The following ZSWIM5 variants were observed in gnomAD, a reference collection of about 807,000 sequenced individuals.
ZSWIM5 encodes the protein zinc finger SWIM domain-containing protein 5.
ZSWIM5 carries 55 observed loss-of-function variants against 119.6 expected under a neutral mutation model. The ratio of observed to expected loss-of-function variants is 0.46; its 90% CI spans 0.37 to 0.58. The LOEUF (loss-of-function observed/expected upper bound fraction) is 0.58, where lower values mean the gene tolerates loss of function less well. Among genes scored for constraint, ZSWIM5 ranks in the 20% least tolerant of loss-of-function variants. The pLI is 0.00. For synonymous variants in ZSWIM5, 537 were observed against 606.9 expected (o/e 0.88, Z 1.69); for missense variants, 1,193 against 1,512.8 (o/e 0.79, Z 3.51).
At chr1:45,165,678 A>T (rs1440946865) in intron 1 of ZSWIM5, among the ~76,000 whole-genome samples, 1 of 152,180 alleles carries the variant, frequency 6.6e-6, no homozygotes, top group African/African-American at 2.4e-5. Flanking sequence ...ATCAGAGAAC[A>T]CTATAAACAT....
rs564148772 is a variant in ZSWIM5 at position 45,101,694 on chromosome 1, C to T, written c.596-13457G>A. 7.2e-5 allele frequency among the ~76,000 whole-genome samples: 11 copies of T among 152,266 alleles called. No homozygotes were observed. In the South Asian group the frequency reaches 1.7e-3, roughly 23 times the overall value. On this transcript the variant is annotated intron_variant, in intron 1 of 13. Coordinates refer to ENST00000359600, the MANE Select transcript of ZSWIM5 (RefSeq NM_020883.2). ...AAGAAAATGTGACACATATACACCA[C>T]GGAATATTATGCAGCCATAAAAAGG...
chr1:45,091,095 G>T (rs1417173631), intron 1 of ZSWIM5, among the ~76,000 whole-genome samples: 2 of 152,034 alleles, frequency 1.3e-5, no homozygotes, highest in African/African-American at 4.8e-5. Context: ...ACTATAAAAT[G>T]TCCTACAGAT....
intron 11 of ZSWIM5, among the ~76,000 whole-genome samples, chr1:45,031,335 C>T (rs540797891): frequency 2.0e-5 from 3 of 151,342 alleles, no homozygotes; most frequent in African/African-American, 7.3e-5. Context: ...TGCCACCATG[C>T]TCACGCAATT....
intron 8 of ZSWIM5, among the ~76,000 whole-genome samples, chr1:45,037,472 T>C (rs1644992459): frequency 6.6e-6 from 1 of 152,228 alleles, no homozygotes; most frequent in South Asian, 2.1e-4. Flanking sequence ...TCTTATATTT[T>C]GCTAGCACAT....
At chr1:45,093,225 A>G (rs900957889) in intron 1 of ZSWIM5, among the ~76,000 whole-genome samples, 9 of 152,222 alleles carry the variant, frequency 5.9e-5, no homozygotes, top group Admixed American at 2.0e-4. Flanking sequence ...ATAAACTATA[A>G]AACAATATAA....
chr1:45,029,198 T>A (rs1644937969), intron 11 of ZSWIM5, among the ~76,000 whole-genome samples: 1 of 152,254 alleles, frequency 6.6e-6, no homozygotes, highest in South Asian at 2.1e-4. Context: ...AAATGTCTTT[T>A]ATAGCAAAAA....
At chr1:45,050,690 T>A (rs896627958) in intron 5 of ZSWIM5, among the ~76,000 whole-genome samples, 23 of 152,196 alleles carry the variant, frequency 1.5e-4, no homozygotes, top group African/African-American at 5.1e-4. Context: ...GGACACTTTT[T>A]AAAATTGCTT....
chr1:45,079,061 C>G (rs994369786), intron 2 of ZSWIM5, among the ~76,000 whole-genome samples: 1 of 152,048 alleles, frequency 6.6e-6, no homozygotes, highest in Admixed American at 6.6e-5. Context: ...TGAAAATGGC[C>G]GGTCCCTGCC....
intron 1 of ZSWIM5, among the ~76,000 whole-genome samples, chr1:45,107,012 C>G (rs1363360214): frequency 2.0e-5 from 3 of 152,152 alleles, no homozygotes; most frequent in African/African-American, 7.2e-5. Context: ...TACTTGAAGA[C>G]AGCATACTCG....
chr1:45,100,741 C>T (rs968330916), intron 1 of ZSWIM5, among the ~76,000 whole-genome samples: 26 of 152,066 alleles, frequency 1.7e-4, no homozygotes, highest in African/African-American at 6.3e-4. Context: ...TCAGAAATAA[C>T]ACCACACATC....
intron 1 of ZSWIM5, among the ~76,000 whole-genome samples, chr1:45,169,989 C>G (rs557525338): frequency 6.6e-6 from 1 of 151,764 alleles, no homozygotes; most frequent in South Asian, 2.1e-4. Flanking sequence ...AGCAACATTT[C>G]TGTGTGTGTG....
intron 2 of ZSWIM5, among the ~76,000 whole-genome samples, chr1:45,073,071 T>A (rs376582180): frequency 6.6e-6 from 1 of 151,832 alleles, no homozygotes; most frequent in Admixed American, 6.6e-5. Flanking sequence ...TATCTTTCCA[T>A]TTTTTGGTGT....
intron 1 of ZSWIM5, among the ~76,000 whole-genome samples, chr1:45,091,302 TC>T (rs1645362915): frequency 6.6e-6 from 1 of 151,998 alleles, no homozygotes; most frequent in East Asian, 1.9e-4. Flanking sequence ...ACAAAGACCC[TC>T]ACAGAAGGGC....
chr1:45,108,519 G>A lies in ZSWIM5; in HGVS notation c.596-20282C>T, dbSNP rs143254105. Among the ~76,000 whole-genome samples, 685 of 152,118 alleles carry A rather than the reference G, an allele frequency of 4.5e-3. 8 individuals are homozygous for A. Among genetic ancestry groups the A allele is most frequent in the African/African-American group, 0.016 (646 of 41,508 alleles). On this transcript the variant is annotated intron_variant, in intron 1 of 13. Coordinates refer to ENST00000359600, the MANE Select transcript of ZSWIM5 (RefSeq NM_020883.2). ...AAAAATTAGTCATACCCTTTTCCAG[G>A]AGGAAAGAGATTTCCTGGCTACTTC...
At chr1:45,168,491 ATAT>A (rs1209772528) in intron 1 of ZSWIM5, among the ~76,000 whole-genome samples, 31 of 150,746 alleles carry the variant, frequency 2.1e-4, no homozygotes, top group African/African-American at 7.6e-4. Flanking sequence ...AAATATATAT[ATAT>A]TTTTTTTAAA....
intron 2 of ZSWIM5, among the ~76,000 whole-genome samples, chr1:45,080,254 C>T (rs975094960): frequency 1.3e-5 from 2 of 152,118 alleles, no homozygotes; most frequent in African/African-American, 4.8e-5. Context: ...TATTTAAGGC[C>T]CCAGAGCACT....
chr1:45,051,857 G>T (rs1264561638), intron 4 of ZSWIM5, among the ~76,000 whole-genome samples: 1 of 152,142 alleles, frequency 6.6e-6, no homozygotes, highest in Non-Finnish European at 1.5e-5. Flanking sequence ...AATTTAATGA[G>T]ATAACCTTTG....
chr1:45,069,380 C>T (rs1046462756), intron 2 of ZSWIM5, among the ~76,000 whole-genome samples: 1 of 151,038 alleles, frequency 6.6e-6, no homozygotes, highest in African/African-American at 2.4e-5. Flanking sequence ...GAGCCAAGAT[C>T]GTGCCACTGC....
At chr1:45,023,359 C>A (rs1644899711) in intron 11 of ZSWIM5, among the ~76,000 whole-genome samples, 1 of 151,936 alleles carries the variant, frequency 6.6e-6, no homozygotes, top group Admixed American at 6.6e-5. Flanking sequence ...TTCAGACTGG[C>A]TTTTTTCTTT....
Sources: allele counts gnomAD v4.1 joint callset (sites outside exome capture counted in the v4.1 genomes callset), GRCh38; gene constraint gnomAD v4.1.1; transcripts MANE v1.5; gene names NCBI Gene and HGNC (gene_info 2026-07-23, HGNC 2026-07-21).